DRD2: variants seen among roughly 807,000 people sequenced by gnomAD.
DRD2 encodes the protein dopamine receptor D2.
A neutral mutation model predicts 38.0 loss-of-function variants in DRD2; 8 were observed. That is an observed-to-expected ratio of 0.21 (90% CI 0.12 to 0.38). The LOEUF is 0.38. DRD2 is among the 10% of genes least tolerant of loss of function. The pLI, the probability that DRD2 is intolerant of heterozygous loss-of-function variation, is 1.00. For missense variants in DRD2, 403 were observed against 607.7 expected, an observed-to-expected ratio of 0.66 and a Z score of 3.54; for synonymous variants, 230 against 238.6, an observed-to-expected ratio of 0.96 and a Z score of 0.33.
chr11:113,467,964 G>A (rs1370574053), intron 1 of DRD2, among the ~76,000 whole-genome samples: 1 of 152,198 alleles, frequency 6.6e-6, no homozygotes, highest in East Asian at 1.9e-4. Flanking sequence ...CATGATTTCA[G>A]AAATGTAAAA....
At chr11:113,442,683 T>A (rs1951105696) in intron 1 of DRD2, among the ~76,000 whole-genome samples, 1 of 152,208 alleles carries the variant, frequency 6.6e-6, no homozygotes, top group African/African-American at 2.4e-5. Context: ...AAGGTTCCAT[T>A]TGCTTTAGAC....
intron 1 of DRD2, among the ~76,000 whole-genome samples, chr11:113,430,392 A>C (rs1339693766): frequency 6.6e-6 from 1 of 152,232 alleles, no homozygotes; most frequent in East Asian, 1.9e-4. Context: ...AAAAAATGCC[A>C]TCCAACCCCA....
chr11:113,456,527 T>C (rs1189427954), intron 1 of DRD2, among the ~76,000 whole-genome samples: 1 of 152,204 alleles, frequency 6.6e-6, no homozygotes. Context: ...TTGTACCCTA[T>C]AAACACATTC....
chr11:113,424,701 C>T lies in DRD2; in HGVS notation c.-31-19G>A. On this transcript the variant is annotated intron_variant, in intron 1 of 7. Coordinates refer to ENST00000362072, the MANE Select transcript of DRD2 (RefSeq NM_000795.4). ...CCAGGCTCTGGCCAGGAAAAATGGA[C>T]ACAAGGTGTCAGTGAGAGGGCCTCT... The T allele has an allele frequency of 6.2e-7, 1 of 1,612,044 alleles. No individual in the cohort carries two copies. Among genetic ancestry groups the T allele is most frequent in the Non-Finnish European group, 8.5e-7 (1 of 1,179,926 alleles).
chr11:113,447,088 CTAGCATGTCA>C (rs1951157826), intron 1 of DRD2, among the ~76,000 whole-genome samples: 1 of 150,396 alleles, frequency 6.6e-6, no homozygotes, highest in African/African-American at 2.5e-5. Flanking sequence ...TTGGGATCCT[CTAGCATGTCA>C]TAGCCCTTGC....
chr11:113,424,668 C>A lies in DRD2; in HGVS notation c.-17G>T. The A allele has an allele frequency of 6.2e-7, 1 of 1,613,830 alleles. No individual in the cohort carries two copies. Among genetic ancestry groups the A allele is most frequent in the Non-Finnish European group, 8.5e-7 (1 of 1,180,034 alleles). On this transcript the variant is annotated 5_prime_UTR_variant, in exon 2 of 8. Transcript: ENST00000362072. ...TGGATCCATCAGGGCGGTGGAGCCACTGGGTGGCCAGGCTCTGGCCAGGAA... is the reference window on the plus strand; with the variant it reads ...TGGATCCATCAGGGCGGTGGAGCCAATGGGTGGCCAGGCTCTGGCCAGGAA...
At chr11:113,421,998 C>G (rs1483865143) in intron 2 of DRD2, among the ~76,000 whole-genome samples, 1 of 152,168 alleles carries the variant, frequency 6.6e-6, no homozygotes, top group African/African-American at 2.4e-5. Context: ...GAAAGACTTA[C>G]AGATTCCTGG....
chr11:113,412,513 C>T, intron 7 of DRD2, 43 bp downstream of exon 7: 1 of 1,604,884 alleles, frequency 6.2e-7, no homozygotes. Context: ...GGAATGGGAC[C>T]TTTCACAGAC....
At chr11:113,423,230 C>A (rs1404354777) in intron 2 of DRD2, among the ~76,000 whole-genome samples, 1 of 152,158 alleles carries the variant, frequency 6.6e-6, no homozygotes, top group Non-Finnish European at 1.5e-5. Context: ...TGAAGAAAGG[C>A]AACTTCTCCA....
chr11:113,443,149 A>T (rs1299515567), intron 1 of DRD2, among the ~76,000 whole-genome samples: 1 of 152,080 alleles, frequency 6.6e-6, no homozygotes, highest in East Asian at 1.9e-4. Context: ...GTTGTTTGAG[A>T]TGATGAGGCT....
intron 1 of DRD2, among the ~76,000 whole-genome samples, chr11:113,473,727 T>C (rs1951450360): frequency 2.0e-5 from 3 of 152,212 alleles, no homozygotes; most frequent in Admixed American, 2.0e-4. Flanking sequence ...GGAAAGCAGC[T>C]TGCTGATTTT....
At chr11:113,418,745 T>G (rs755795425) in intron 2 of DRD2, among the ~76,000 whole-genome samples, 3 of 152,190 alleles carry the variant, frequency 2.0e-5, no homozygotes, top group Non-Finnish European at 4.4e-5. Context: ...ATCACCCCTG[T>G]AGCCCAAAGC....
rs558574551 is a variant in DRD2, at chr11:113,435,689, G to A, written c.-31-11007C>T. Among the ~76,000 whole-genome samples the A allele has an allele frequency of 5.8e-3, 858 of 148,076 alleles. 8 individuals carry two copies. The highest frequency in any genetic ancestry group is 0.021 in the African/African-American group (821 of 39,792). On this transcript the variant is annotated intron_variant, in intron 1 of 7. Transcript: ENST00000362072. Reference sequence around the variant, plus strand: ...TGCCCCCACAAAGAAAAAAATCTGGGAAGTTGAGCTTGGTTTGCCCCAGGG... The same window carrying A: ...TGCCCCCACAAAGAAAAAAATCTGGAAAGTTGAGCTTGGTTTGCCCCAGGG...
intron 1 of DRD2, among the ~76,000 whole-genome samples, chr11:113,458,612 T>C (rs1216271992): frequency 6.6e-6 from 1 of 152,256 alleles, no homozygotes; most frequent in African/African-American, 2.4e-5. Flanking sequence ...CAACTTATGC[T>C]GTGTGTATAT....
At chr11:113,438,012 G>A (rs1219130003) in intron 1 of DRD2, among the ~76,000 whole-genome samples, 1 of 152,112 alleles carries the variant, frequency 6.6e-6, no homozygotes, top group African/African-American at 2.4e-5. Flanking sequence ...CAGGTTGGAA[G>A]AGCAGCCACA....
intron 1 of DRD2, among the ~76,000 whole-genome samples, chr11:113,434,414 C>T (rs1951017227): frequency 6.6e-6 from 1 of 152,196 alleles, no homozygotes. Flanking sequence ...CCTCCCAGAT[C>T]CTTCGTGAAG....
intron 1 of DRD2, among the ~76,000 whole-genome samples, chr11:113,433,011 G>A (rs1951003175): frequency 6.6e-6 from 1 of 152,216 alleles, no homozygotes; most frequent in Admixed American, 6.5e-5. Context: ...GCAGACCTTG[G>A]GTTGCCGAGG....
At chr11:113,434,295 T>C (rs977574099) in intron 1 of DRD2, among the ~76,000 whole-genome samples, 1 of 152,210 alleles carries the variant, frequency 6.6e-6, no homozygotes, top group Non-Finnish European at 1.5e-5. Context: ...AGCACAGCCT[T>C]GGCAATAGCA....
At chr11:113,433,034 A>G (rs547918898) in intron 1 of DRD2, among the ~76,000 whole-genome samples, 26 of 152,270 alleles carry the variant, frequency 1.7e-4, no homozygotes, top group African/African-American at 5.8e-4. Flanking sequence ...GGGAGTGGGT[A>G]GATGGACAGG....
Sources: allele counts gnomAD v4.1 joint callset (sites outside exome capture counted in the v4.1 genomes callset), GRCh38; gene constraint gnomAD v4.1.1; transcripts MANE v1.5; gene names NCBI Gene and HGNC (gene_info 2026-07-23, HGNC 2026-07-21).